PAXIP1: variants seen among roughly 807,000 people sequenced by gnomAD.
PAXIP1 encodes the protein PAX interacting protein 1.
Under a neutral mutation model 140.6 loss-of-function variants are expected in PAXIP1, and 19 were observed. That is an observed-to-expected ratio of 0.14 (90% CI 0.09 to 0.20). The LOEUF is 0.20. Among genes scored for constraint, PAXIP1 ranks in the 10% least tolerant of loss-of-function variants. PAXIP1 has a pLI of 1.00. For missense variants in PAXIP1, 920 were observed against 1,208.6 expected, an observed-to-expected ratio of 0.76 and a Z score of 3.54; for synonymous variants, 442 against 444.6, an observed-to-expected ratio of 0.99 and a Z score of 0.07.
At chr7:154,970,601 A>G (rs944625234) in intron 6 of PAXIP1, among the ~76,000 whole-genome samples, 6 of 152,252 alleles carry the variant, frequency 3.9e-5, no homozygotes, top group Non-Finnish European at 1.5e-5. Context: ...TTAAAAATCC[A>G]GAAAAGAAGA....
chr7:154,945,482 G>A (rs1235127848), intron 20 of PAXIP1: 19 of 982,284 alleles, frequency 1.9e-5, no homozygotes, highest in Non-Finnish European at 2.3e-5. Flanking sequence ...AAAAAACTCG[G>A]CAAGGATGGG....
intron 4 of PAXIP1, chr7:154,985,919 T>G: frequency 2.2e-6 from 2 of 919,142 alleles, no homozygotes; most frequent in Non-Finnish European, 3.0e-6. Flanking sequence ...TACTGTTGAT[T>G]GAGATACAGA....
At position 154,968,346 on chromosome 7, in the gene PAXIP1, G is replaced by A. The variant is rs543585355; in HGVS notation, c.1798+57C>T. 97 of 1,426,210 alleles carry A rather than the reference G, an allele frequency of 6.8e-5. No individual in the cohort carries two copies. In the African/African-American group the frequency reaches 1.2e-3, roughly 18 times the overall value. The allele number at this position is 1,426,210 out of a possible 1,614,324, so 88.3% of individuals were successfully genotyped here. A position where few individuals can be genotyped will look rare whatever the true frequency, so the allele number is the denominator to read the frequency against. On this transcript the variant is annotated intron_variant, in intron 7 of 20. Transcript: ENST00000404141. ...CACCCCACACTCAAACACTCTCAAA[G>A]CATTTATGTGGGTACAAGACTTTTA...
intron 2 of PAXIP1, among the ~76,000 whole-genome samples, chr7:154,995,309 A>G (rs1810528606): frequency 6.6e-6 from 1 of 152,128 alleles, no homozygotes; most frequent in Admixed American, 6.5e-5. Context: ...TCACCTTACA[A>G]CCATCCACAC....
intron 1 of PAXIP1, chr7:155,001,008 G>A (rs1403865582): frequency 1.3e-5 from 2 of 152,252 alleles, no homozygotes; most frequent in African/African-American, 4.8e-5. Flanking sequence ...GGGCGCTAAA[G>A]GGCAGGTACC....
rs776084966 is a variant in PAXIP1, at chr7:154,986,419, T to C, written c.325-3087A>G. Among the ~76,000 whole-genome samples, 34 of 152,158 alleles carry C rather than the reference T, an allele frequency of 2.2e-4. No homozygotes were observed. The highest frequency in any genetic ancestry group is 4.6e-4 in the Non-Finnish European group (31 of 68,022). ...TTTGCATATGTTGCAACATACCGTA[T>C]TTGCCCAAGGCCTGACCCCTCCTAG... is the stretch of plus-strand genomic sequence containing the variant. On this transcript the variant is annotated intron_variant, in intron 4 of 20. Transcript: ENST00000404141. The surrounding 1 kb of genome is among the most constrained non-coding windows in gnomAD (Gnocchi z 4.8).
chr7:154,967,541 C>A, intron 8 of PAXIP1: 1 of 322,544 alleles, frequency 3.1e-6, no homozygotes, highest in Non-Finnish European at 5.7e-6. Context: ...AACTTATTTC[C>A]ATTGCCCCAA....
chr7:154,974,845 T>C (rs1228744194), intron 6 of PAXIP1, among the ~76,000 whole-genome samples: 1 of 152,126 alleles, frequency 6.6e-6, no homozygotes, highest in African/African-American at 2.4e-5. Context: ...TAGAAATATA[T>C]GTACTTAAAA....
chr7:154,992,578 G>C (rs933096950), intron 3 of PAXIP1, among the ~76,000 whole-genome samples: 2 of 149,890 alleles, frequency 1.3e-5, no homozygotes, highest in East Asian at 3.9e-4. Flanking sequence ...CTGGGCGACA[G>C]AGCAAGACTC....
At chr7:154,950,461 C>G (rs1301383869) in intron 16 of PAXIP1, 2 of 152,214 alleles carry the variant, frequency 1.3e-5, no homozygotes, top group Admixed American at 6.5e-5. Context: ...ATGGCCAAAA[C>G]CCAGAGCACT....
intron 20 of PAXIP1, chr7:154,944,978 ACTT>A (rs1179979554): frequency 1.5e-5 from 2 of 131,108 alleles, no homozygotes; most frequent in Non-Finnish European, 1.6e-5. Context: ...GGCAAATTTT[ACTT>A]CTTTTTTTTT....
chr7:154,944,511 T>G, intron 20 of PAXIP1: 1 of 176,604 alleles, frequency 5.7e-6, no homozygotes, highest in Non-Finnish European at 1.2e-5. Context: ...CCACCACAAA[T>G]AGCTGACTCC....
At chr7:154,975,387 CTAAG>C (rs915722810) in intron 6 of PAXIP1, among the ~76,000 whole-genome samples, 4 of 152,322 alleles carry the variant, frequency 2.6e-5, no homozygotes, top group East Asian at 3.9e-4. Flanking sequence ...TAATTTTAAA[CTAAG>C]TAAGAGTGGA....
intron 1 of PAXIP1, 140 bp from the exon 2 acceptor site, chr7:154,998,924 T>C: frequency 1.4e-6 from 1 of 725,390 alleles, no homozygotes; most frequent in Non-Finnish European, 2.2e-6. Context: ...AACAGCCTTT[T>C]ACTCTGAATA....
rs776722202 is a variant in PAXIP1 at position 154,976,350 on chromosome 7, C to A, written c.439-19G>T. 5.8e-6 allele frequency: 9 copies of A among 1,544,000 alleles called. No individual in the cohort carries two copies. The South Asian group carries it at 7.6e-5, about 13-fold the overall frequency. On this transcript the variant is annotated intron_variant, in intron 5 of 20. Coordinates refer to ENST00000404141, the MANE Select transcript of PAXIP1 (RefSeq NM_007349.4). ...ATTTCTCCTACGAGGAAAGCAGAAACACACACAAAACAAAGCTGTAAATTT... is the reference window on the plus strand; with the variant it reads ...ATTTCTCCTACGAGGAAAGCAGAAAAACACACAAAACAAAGCTGTAAATTT...
chr7:154,948,267 T>C (rs1483655734), intron 16 of PAXIP1: 3 of 391,596 alleles, frequency 7.7e-6, no homozygotes, highest in African/African-American at 6.2e-5. Flanking sequence ...AAAAACGGGC[T>C]GGGTGTGGTG....
At chr7:154,976,523 T>C (rs908300819) in intron 5 of PAXIP1, among the ~76,000 whole-genome samples, 192 bp from the exon 6 acceptor site, 13 of 152,238 alleles carry the variant, frequency 8.5e-5, no homozygotes. Context: ...AAAGGAACCA[T>C]ACAGCAGTGA....
At chr7:154,993,135 G>T (rs1002891316) in intron 3 of PAXIP1, among the ~76,000 whole-genome samples, 1 of 152,144 alleles carries the variant, frequency 6.6e-6, no homozygotes, top group Admixed American at 6.5e-5. Flanking sequence ...GTAAACAGGA[G>T]GCCTGTAGAA....
intron 12 of PAXIP1, 55 bp from the exon 13 acceptor site, chr7:154,959,988 GCCTTTT>G (rs1480275576): frequency 5.8e-6 from 7 of 1,197,664 alleles, no homozygotes; most frequent in Non-Finnish European, 7.4e-6. Context: ...AAATAAAAAG[GCCTTTT>G]TATAAAAGTC....
Sources: gnomAD v4.1 joint callset for allele counts (sites outside exome capture counted in the v4.1 genomes callset) on GRCh38, gnomAD v4.1.1 for gene constraint, Gnocchi (gnomAD v3.1) non-coding constraint, MANE v1.5 for transcripts, NCBI Gene and HGNC (gene_info 2026-07-23, HGNC 2026-07-21) for gene names.